Variants in CA1 observed in about 807,000 individuals in gnomAD.
CA1 encodes carbonic anhydrase 1.
Under a neutral mutation model 28.8 loss-of-function variants are expected in CA1, and 27 were observed. The ratio of observed to expected loss-of-function variants is 0.94; its 90% CI spans 0.69 to 1.29. CA1 has a LOEUF of 1.29. Ranked by LOEUF, CA1 falls within the 50% of genes most tolerant of loss-of-function variation. The pLI, the probability that CA1 is intolerant of heterozygous loss-of-function variation, is 0.00. For missense variants in CA1, 335 were observed against 310.5 expected (o/e 1.08, Z -0.59); for synonymous variants, 121 against 108.8 (o/e 1.11, Z -0.70).
In CA1 at chr8:85,339,242, G is replaced by A. The variant is rs187882082; in HGVS notation, c.38-793C>T. ...CTTGCATCAAGCAAGCTTATTAGGG[G>A]CATATTTTCAACAGCATGTGTTTAT... On this transcript the variant is annotated intron_variant, in intron 2 of 7. Transcript: ENST00000523022. Among the ~76,000 whole-genome samples, 5 of 152,136 alleles carry A rather than the reference G, an allele frequency of 3.3e-5. No individual in the cohort carries two copies. The East Asian group carries it at 9.7e-4, about 29-fold the overall frequency.
intron 1 of CA1, among the ~76,000 whole-genome samples, chr8:85,361,801 T>G (rs6997458): frequency 0.65 from 99,429 of 152,094 alleles, 33,719 homozygotes; most frequent in African/African-American, 0.83. Flanking sequence ...TCATCCTTTC[T>G]TCACTGGACC....
chr8:85,368,761 T>C (rs193226340), intron 1 of CA1, among the ~76,000 whole-genome samples: 9 of 152,212 alleles, frequency 5.9e-5, no homozygotes, highest in African/African-American at 2.2e-4. Flanking sequence ...TATACTATCT[T>C]GGGGGCAATG....
At chr8:85,344,945 C>T (rs903089017) in intron 1 of CA1, among the ~76,000 whole-genome samples, 1 of 152,156 alleles carries the variant, frequency 6.6e-6, no homozygotes, top group South Asian at 2.1e-4. Flanking sequence ...CACATTGCCT[C>T]CTAAATTCCC....
At chr8:85,337,236 G>A in intron 3 of CA1, 173 bp from the exon 4 acceptor site, 2 of 639,740 alleles carry the variant, frequency 3.1e-6, no homozygotes, top group Non-Finnish European at 5.7e-6. Flanking sequence ...TCATATGTAT[G>A]GTGCACCCCT....
rs1180231349 is a variant in CA1 at position 85,337,062 on chromosome 8, C to T, written c.237G>A (p.Val79=). 6.4e-7 allele frequency: 1 copy of T among 1,572,178 alleles called. No homozygotes were observed. The highest frequency in any genetic ancestry group is 1.3e-5 in the African/African-American group (1 of 74,208). The change falls in exon 4 of 8, where the codon GTG becomes GTA. Residue 79 remains valine, a splice_region_variant and synonymous_variant. Transcript: ENST00000523022. Reference sequence around the variant, plus strand: ...TGTCAGAGAAAGGACCACCTTTCAGCACTGGAAGAAAAGGGAACCGATTGT... The same window carrying T: ...TGTCAGAGAAAGGACCACCTTTCAGTACTGGAAGAAAAGGGAACCGATTGT... ...VNFEDNDNRS[V]LKGGPFSDSY...
Position 85,344,290 on chromosome 8 carries a change from A to T in CA1, c.-24-2631T>A, listed in dbSNP as rs533594084. Among the ~76,000 whole-genome samples, 103 of 55,646 alleles carry T rather than the reference A, an allele frequency of 1.9e-3. 1 individual carries two copies. The highest frequency in any genetic ancestry group is 2.5e-3 in the East Asian group (9 of 3,570). 36.5% of individuals were successfully genotyped at this position (55,646 alleles called of 152,430 possible). Reference sequence around the variant, plus strand: ...TAATATATAATTATATATTATATACAGTATATAATATAATTATATATTATA... The same window carrying T: ...TAATATATAATTATATATTATATACTGTATATAATATAATTATATATTATA... On this transcript the variant is annotated intron_variant, in intron 1 of 7. Transcript: ENST00000523022.
At chr8:85,371,010 T>A (rs936683221) in intron 1 of CA1, among the ~76,000 whole-genome samples, 1 of 152,318 alleles carries the variant, frequency 6.6e-6, no homozygotes. Context: ...CAGTGTGATA[T>A]CTGAATGCCT....
intron 1 of CA1, chr8:85,343,242 A>G (rs987495556): frequency 5.3e-5 from 8 of 152,204 alleles, no homozygotes; most frequent in Admixed American, 3.3e-4. Flanking sequence ...AAAGAAAAAA[A>G]TTGTGTTTTA....
chr8:85,333,919 T>C (rs1808524749), intron 4 of CA1, among the ~76,000 whole-genome samples: 1 of 152,238 alleles, frequency 6.6e-6, no homozygotes, highest in Non-Finnish European at 1.5e-5. Context: ...TCAGGAAATA[T>C]GACTAACTAG....
At chr8:85,354,130 A>AT (rs111936911) in intron 1 of CA1, among the ~76,000 whole-genome samples, 6,752 of 137,726 alleles carry the variant, frequency 0.049, 200 homozygotes, top group African/African-American at 0.092. Context: ...CACCCAGCTA[A>AT]TTTTTTTTTT....
chr8:85,335,386 A>G (rs543312437), intron 4 of CA1, among the ~76,000 whole-genome samples: 348 of 152,284 alleles, frequency 2.3e-3, no homozygotes, highest in African/African-American at 8.1e-3. Context: ...CATGCTGTCA[A>G]CAATTATTAA....
intron 1 of CA1, among the ~76,000 whole-genome samples, chr8:85,366,265 G>A (rs148669758): frequency 6.2e-4 from 92 of 149,404 alleles, no homozygotes; most frequent in Non-Finnish European, 1.1e-3. Flanking sequence ...CTCCCTCTTC[G>A]GCCTCCCAAA....
At chr8:85,359,938 C>T (rs1032013675) in intron 1 of CA1, among the ~76,000 whole-genome samples, 3 of 152,142 alleles carry the variant, frequency 2.0e-5, no homozygotes, top group Non-Finnish European at 4.4e-5. Context: ...AATTCCTTAC[C>T]AATAAGGAGA....
intron 1 of CA1, among the ~76,000 whole-genome samples, chr8:85,369,894 A>G (rs1458243385): frequency 1.3e-5 from 2 of 152,218 alleles, no homozygotes; most frequent in African/African-American, 4.8e-5. Context: ...TGTAGAGGAT[A>G]GGATTACAGT....
In CA1 at chr8:85,328,196, T is replaced by A. The variant is rs1308418642; in HGVS notation, c.*364A>T. 6.0e-6 allele frequency: 1 copy of A among 165,906 alleles called. No individual in the cohort carries two copies. Among genetic ancestry groups the A allele is most frequent in the Non-Finnish European group, 1.3e-5 (1 of 76,952 alleles). 10.3% of individuals were successfully genotyped at this position (165,906 alleles called of 1,614,324 possible). A position where few individuals can be genotyped will look rare whatever the true frequency, so the allele number is the denominator to read the frequency against. ...TTTGAATGTAAATGGAGTAGAAACT[T>A]AATGGTTTTAGAAACTGAATGCACA... On this transcript the variant is annotated 3_prime_UTR_variant, in exon 8 of 8. Transcript: ENST00000523022.
intron 1 of CA1, among the ~76,000 whole-genome samples, chr8:85,373,801 A>T (rs1810316712): frequency 6.6e-6 from 1 of 152,224 alleles, no homozygotes; most frequent in Non-Finnish European, 1.5e-5. Context: ...GATTGAAGAC[A>T]CTATGCTAAG....
intron 1 of CA1, among the ~76,000 whole-genome samples, chr8:85,350,518 C>A (rs1335129009): frequency 6.6e-6 from 1 of 152,160 alleles, no homozygotes; most frequent in African/African-American, 2.4e-5. Context: ...GTCCTAATTC[C>A]TTTAAGACTG....
At chr8:85,347,322 G>C (rs775034838) in intron 1 of CA1, among the ~76,000 whole-genome samples, 29 of 152,302 alleles carry the variant, frequency 1.9e-4, no homozygotes, top group Non-Finnish European at 4.3e-4. Context: ...GTCTTGGCCA[G>C]TTTAGATGAT....
intron 6 of CA1, 154 bp downstream of exon 6, chr8:85,332,336 C>A: frequency 1.6e-6 from 1 of 636,966 alleles, no homozygotes; most frequent in Non-Finnish European, 2.8e-6. Flanking sequence ...GAGACTTTCT[C>A]AGAGGTAGGC....
Sources: allele counts gnomAD v4.1 joint callset (sites outside exome capture counted in the v4.1 genomes callset), GRCh38; gene constraint gnomAD v4.1.1; transcripts MANE v1.5; gene names NCBI Gene and HGNC (gene_info 2026-07-23, HGNC 2026-07-21).